ANK1: variants seen among roughly 807,000 people sequenced by gnomAD.
ANK1 encodes the protein ankyrin 1.
A neutral mutation model predicts 210.4 loss-of-function variants in ANK1; 51 were observed. The ratio of observed to expected loss-of-function variants is 0.24; its 90% CI spans 0.19 to 0.31. The LOEUF (loss-of-function observed/expected upper bound fraction) is 0.31. Among genes scored for constraint, ANK1 ranks in the 10% least tolerant of loss-of-function variants. The probability of loss-of-function intolerance (pLI) is 1.00; values close to 1 mark genes in which losing one functional copy is unlikely to be tolerated. For missense variants in ANK1, 2,051 were observed against 2,504.4 expected (o/e 0.82, Z 3.86); for synonymous variants, 967 against 1,025.9 (o/e 0.94, Z 1.10).
chr8:41,856,158 C>T (rs891187703), intron 1 of ANK1, among the ~76,000 whole-genome samples: 10 of 152,172 alleles, frequency 6.6e-5, no homozygotes, highest in African/African-American at 2.4e-4. Context: ...AGAAATGGCT[C>T]CTCTCTCTTC....
chr8:41,689,419 C>A (rs576542128), intron 33 of ANK1, among the ~76,000 whole-genome samples: 1 of 152,070 alleles, frequency 6.6e-6, no homozygotes, highest in Admixed American at 6.6e-5. Context: ...TGAGCCTCTG[C>A]GCCCAGCCTG....
intron 1 of ANK1, among the ~76,000 whole-genome samples, chr8:41,893,300 G>A (rs1424376996): frequency 2.0e-5 from 3 of 152,100 alleles, no homozygotes; most frequent in South Asian, 2.1e-4. Context: ...TATCATAAAC[G>A]CTGGATTTTT....
Position 41,704,543 on chromosome 8 carries a change from C to T in ANK1, c.2098-71G>A, listed in dbSNP as rs1824028568. The T allele has an allele frequency of 1.5e-6, 2 of 1,353,876 alleles. No individual in the cohort carries two copies. The highest frequency in any genetic ancestry group is 1.2e-5 in the South Asian group (1 of 85,154). 83.9% of individuals were successfully genotyped at this position (1,353,876 alleles called of 1,614,324 possible). ...GCATCACATGAAATCCTTCCCAAAG[C>T]AGCTGATTCAAAGAGAGAACGGACA... is the stretch of plus-strand genomic sequence containing the variant. On this transcript the variant is annotated intron_variant, in intron 18 of 42. Transcript: ENST00000289734. This position sits in a 1 kb window ranked among gnomAD's most constrained non-coding sequence, Gnocchi z 4.1.
chr8:41,817,106 CT>C (rs1244436321), intron 1 of ANK1, among the ~76,000 whole-genome samples: 1 of 140,016 alleles, frequency 7.1e-6, no homozygotes, highest in Non-Finnish European at 1.6e-5. Flanking sequence ...TTTTTTTTTT[CT>C]TTTTAACCTG....
chr8:41,859,147 A>G (rs13267022), intron 1 of ANK1, among the ~76,000 whole-genome samples: 61,800 of 152,036 alleles, frequency 0.41, 13,980 homozygotes, highest in African/African-American at 0.62. Flanking sequence ...GGTCTCTGAG[A>G]CCCCATGGTG....
chr8:41,788,766 A>C (rs774102896), intron 1 of ANK1: 22 of 152,184 alleles, frequency 1.4e-4, no homozygotes, highest in Admixed American at 5.2e-4. Flanking sequence ...GCCCTGCCAG[A>C]TGGGGGCTTT....
In ANK1 at chr8:41,702,143, T is replaced by A. The variant is rs1434687406; in HGVS notation, c.2297A>T (p.Asp766Val). The change falls in exon 21 of 43, where the codon GAT (aspartate) becomes GTT (valine). Residue 766 changes from aspartate to valine, a missense_variant and splice_region_variant. Transcript: ENST00000289734. ...NGASPNEVSS[D>V]GTTPLAIAKR... ...GGCTATGGCCAGAGGTGTGGTTCCA[T>A]CCTGGGGAAAGAGCAGCCCGGGTGC... 6.2e-7 allele frequency: 1 copy of A among 1,613,910 alleles called. No individual in the cohort carries two copies. Among genetic ancestry groups the A allele is most frequent in the South Asian group, 1.1e-5 (1 of 91,076 alleles).
intron 1 of ANK1, among the ~76,000 whole-genome samples, chr8:41,849,038 C>A (rs1810662527): frequency 6.6e-6 from 1 of 152,238 alleles, no homozygotes. Flanking sequence ...CCAGACAGGG[C>A]ACCAGGGACT....
intron 2 of ANK1, among the ~76,000 whole-genome samples, chr8:41,757,562 C>T (rs557692494): frequency 1.3e-5 from 2 of 152,310 alleles, no homozygotes; most frequent in East Asian, 3.9e-4. Context: ...GCACCAGCCC[C>T]ACCATCCTCA....
chr8:41,851,604 G>A (rs1240956594), intron 1 of ANK1, among the ~76,000 whole-genome samples: 1 of 152,218 alleles, frequency 6.6e-6, no homozygotes, highest in African/African-American at 2.4e-5. Flanking sequence ...TAATCCTAGT[G>A]CTTTGGGAGG....
At chr8:41,751,952 T>C (rs1303909954) in intron 2 of ANK1, among the ~76,000 whole-genome samples, 1 of 151,942 alleles carries the variant, frequency 6.6e-6, no homozygotes, top group Non-Finnish European at 1.5e-5. Flanking sequence ...CACCTTCCCT[T>C]CCATCACTCA....
At chr8:41,701,997 C>T in intron 21 of ANK1, 55 bp downstream of exon 21, 1 of 1,560,740 alleles carries the variant, frequency 6.4e-7, no homozygotes, top group Non-Finnish European at 8.8e-7. Context: ...CCCAGGCACG[C>T]CTGTGCGCCA....
upstream of ANK1, among the ~76,000 whole-genome samples, chr8:41,799,848 G>A (rs3758128): frequency 0.85 from 128,785 of 152,154 alleles, 55,387 homozygotes; most frequent in African/African-American, 0.97. Flanking sequence ...GGCTGGTTTC[G>A]GGGAGCAGCC....
At chr8:41,864,160 G>A (rs1034382990) in intron 1 of ANK1, among the ~76,000 whole-genome samples, 1 of 149,708 alleles carries the variant, frequency 6.7e-6, no homozygotes, top group African/African-American at 2.5e-5. Context: ...TGAGGCAGAA[G>A]AATGGCATGA....
At chr8:41,680,123 A>G (rs1028485921) in intron 37 of ANK1, among the ~76,000 whole-genome samples, 4 of 151,942 alleles carry the variant, frequency 2.6e-5, no homozygotes, top group African/African-American at 7.3e-5. Flanking sequence ...ACATTCCATC[A>G]CTCCTTGGAA....
intron 1 of ANK1, among the ~76,000 whole-genome samples, chr8:41,824,868 C>G (rs1347799993): frequency 6.6e-6 from 1 of 152,184 alleles, no homozygotes; most frequent in Non-Finnish European, 1.5e-5. Flanking sequence ...GGAGGGCTGG[C>G]TGCAGAGCTG....
upstream of ANK1, chr8:41,797,649 C>A (rs1849031754): frequency 1.7e-5 from 26 of 1,506,200 alleles, no homozygotes; most frequent in Non-Finnish European, 2.2e-5. The surrounding 1 kb of genome is among the most constrained non-coding windows in gnomAD (Gnocchi z 4.0). Context: ...GCGGGCCAGG[C>A]CCCCGAGGGC....
chr8:41,752,798 G>GC (rs55895448), intron 2 of ANK1, among the ~76,000 whole-genome samples: 50,279 of 145,718 alleles, frequency 0.35, 8,962 homozygotes, highest in Middle Eastern at 0.44. Context: ...GCACACACAG[G>GC]CCCCCCCCCA....
rs1055302574 is a variant in ANK1, at chr8:41,727,830, T to C, written c.327+78A>G. On this transcript the variant is annotated intron_variant, in intron 4 of 42. Transcript: ENST00000289734. The stretch of plus-strand genomic sequence containing the variant: ...GTGTGTGTGTTAACACGGCTGCCAA[T>C]GGACCCACGAGGGAGCAGCAAAGAG... The C allele has an allele frequency of 2.5e-5, 34 of 1,382,684 alleles. No homozygotes were observed. The African/African-American group carries it at 4.3e-4, about 17-fold the overall frequency. The allele number at this position is 1,382,684 out of a possible 1,614,324, so 85.7% of individuals were successfully genotyped here. A position where few individuals can be genotyped will look rare whatever the true frequency, so the allele number is the denominator to read the frequency against.
Sources: gnomAD v4.1 joint callset for allele counts (sites outside exome capture counted in the v4.1 genomes callset) on GRCh38, gnomAD v4.1.1 for gene constraint, Gnocchi (gnomAD v3.1) non-coding constraint, MANE v1.5 for transcripts, NCBI Gene and HGNC (gene_info 2026-07-23, HGNC 2026-07-21) for gene names.